Variants in PAK4 observed in about 807,000 individuals in gnomAD.
PAK4 encodes the protein p21 (RAC1) activated kinase 4.
Under a neutral mutation model 53.5 loss-of-function variants are expected in PAK4, and 49 were observed. That is an observed-to-expected ratio of 0.92 (90% CI 0.73 to 1.16). PAK4 has a LOEUF of 1.16. Ranked by LOEUF, PAK4 falls within the 50% of genes most tolerant of loss-of-function variation. PAK4 has a pLI of 0.00. For synonymous variants in PAK4, 376 were observed against 375.6 expected (o/e 1.00, Z -0.01); for missense variants, 824 against 850.7 (o/e 0.97, Z 0.39).
intron 1 of PAK4, among the ~76,000 whole-genome samples, chr19:39,146,926 GAGAAA>G (rs953653612): frequency 4.0e-5 from 6 of 151,480 alleles, no homozygotes; most frequent in South Asian, 2.1e-4. Flanking sequence ...AGGAGAGAGG[GAGAAA>G]AGAAAAGAAA....
intron 7 of PAK4, 72 bp downstream of exon 8, chr19:39,176,787 C>A: frequency 6.4e-7 from 1 of 1,560,726 alleles, no homozygotes; most frequent in South Asian, 1.1e-5. Context: ...GCAGCGCTGG[C>A]GGGAGATGGG....
chr19:39,160,342 C>A (rs1270138474), intron 1 of PAK4, among the ~76,000 whole-genome samples: 30 of 145,348 alleles, frequency 2.1e-4, no homozygotes. Flanking sequence ...AGCCACTGCT[C>A]TAGATGCCGG....
intron 1 of PAK4, among the ~76,000 whole-genome samples, chr19:39,131,332 A>T (rs1600300162): frequency 6.6e-6 from 1 of 151,374 alleles, no homozygotes; most frequent in African/African-American, 2.4e-5. Context: ...CTGGGTCCCT[A>T]CCTCCCTCAG....
chr19:39,164,996 G>T (rs570279980), intron 1 of PAK4, among the ~76,000 whole-genome samples: 1 of 151,954 alleles, frequency 6.6e-6, no homozygotes, highest in South Asian at 2.1e-4. Flanking sequence ...AGCCATTGGG[G>T]AGGTGGGGGC....
chr19:39,160,311 C>G (rs1440593192), intron 1 of PAK4, among the ~76,000 whole-genome samples: 1 of 152,210 alleles, frequency 6.6e-6, no homozygotes, highest in African/African-American at 2.4e-5. Context: ...ACAGATATGT[C>G]TCGAGCACCT....
At chr19:39,147,191 A>AC (rs2074015336) in intron 1 of PAK4, among the ~76,000 whole-genome samples, 1 of 152,182 alleles carries the variant, frequency 6.6e-6, no homozygotes, top group East Asian at 1.9e-4. Context: ...ACCTCTGGCA[A>AC]CCACTCATCT....
rs926232633 is a variant in PAK4 at position 39,143,554 on chromosome 19, A to G, written c.-23+17635A>G. Among the ~76,000 whole-genome samples the G allele has an allele frequency of 4.6e-4, 63 of 135,770 alleles. 1 individual carries two copies. Among genetic ancestry groups the G allele is most frequent in the African/African-American group, 1.4e-3 (52 of 37,684 alleles). 89.1% of individuals were successfully genotyped at this position (135,770 alleles called of 152,430 possible). A position where few individuals can be genotyped will look rare whatever the true frequency, so the allele number is the denominator to read the frequency against. On this transcript the variant is annotated intron_variant, in intron 1 of 8. Transcript: ENST00000358301. ...GTTGCAGTGAGCCAAGATCACACCA[A>G]TGCACTCCAGCCTGGGTGACAGAGC...
intron 1 of PAK4, among the ~76,000 whole-genome samples, chr19:39,140,548 T>C (rs986413506): frequency 3.3e-5 from 5 of 152,222 alleles, no homozygotes; most frequent in Admixed American, 6.5e-5. Flanking sequence ...GGACTGCCTG[T>C]CGGTCAGTAG....
intron 1 of PAK4, among the ~76,000 whole-genome samples, chr19:39,159,330 A>C (rs1248276148): frequency 6.6e-6 from 1 of 152,174 alleles, no homozygotes; most frequent in Non-Finnish European, 1.5e-5. Flanking sequence ...ATTAAGGACT[A>C]TAAGGACAAA....
intron 2 of PAK4, among the ~76,000 whole-genome samples, chr19:39,170,629 T>G (rs2074460430): frequency 6.6e-6 from 1 of 152,160 alleles, no homozygotes; most frequent in African/African-American, 2.4e-5. Context: ...TCGGCCAGGT[T>G]TGCATCCAGC....
intron 1 of PAK4, among the ~76,000 whole-genome samples, chr19:39,148,509 G>T (rs2074043011): frequency 1.0e-5 from 1 of 99,582 alleles, no homozygotes; most frequent in South Asian, 3.6e-4. Flanking sequence ...TCGCTCTGTT[G>T]CCCAGGCTGG....
chr19:39,139,746 C>T (rs1050875455), intron 1 of PAK4, among the ~76,000 whole-genome samples: 4 of 152,134 alleles, frequency 2.6e-5, no homozygotes, highest in Non-Finnish European at 4.4e-5. Context: ...TAGGGTCACC[C>T]GGGGTGGGAG....
At chr19:39,150,002 G>A (rs185908992) in intron 1 of PAK4, among the ~76,000 whole-genome samples, 40 of 152,336 alleles carry the variant, frequency 2.6e-4, no homozygotes, top group Admixed American at 2.5e-3. Context: ...TTTGAATATA[G>A]ATGGTGGTGA....
chr19:39,174,961 A>G, exon 5 of PAK4: 2 of 1,613,672 alleles, frequency 1.2e-6, no homozygotes, highest in Non-Finnish European at 1.7e-6. Context: ...CCAGCACGAG[A>G]ATGTGGTGGA....
chr19:39,172,612 C>G (rs1416093197), intron 2 of PAK4, among the ~76,000 whole-genome samples: 1 of 152,150 alleles, frequency 6.6e-6, no homozygotes, highest in Non-Finnish European at 1.5e-5. Flanking sequence ...CCCCAAACCC[C>G]TCAGGGCAGG....
At chr19:39,164,188 A>G (rs2074330300) in intron 1 of PAK4, among the ~76,000 whole-genome samples, 1 of 151,754 alleles carries the variant, frequency 6.6e-6, no homozygotes, top group South Asian at 2.1e-4. Context: ...GAGGCAGGAG[A>G]AGCACATGAA....
chr19:39,135,654 C>G (rs1298119796), intron 1 of PAK4, among the ~76,000 whole-genome samples: 1 of 151,998 alleles, frequency 6.6e-6, no homozygotes, highest in Non-Finnish European at 1.5e-5. Flanking sequence ...ATTCTTTGAC[C>G]AGCTTTGCGC....
intron 7 of PAK4, 106 bp from the exon 9 acceptor site, chr19:39,177,569 C>A (rs2074631859): frequency 4.7e-6 from 6 of 1,278,224 alleles, no homozygotes; most frequent in Non-Finnish European, 6.3e-6. Context: ...CCAAGGACTC[C>A]AGGAGCCAGA....
chr19:39,134,185 A>G (rs1022627107), intron 1 of PAK4, among the ~76,000 whole-genome samples: 2 of 152,198 alleles, frequency 1.3e-5, no homozygotes, highest in Admixed American at 6.5e-5. Context: ...TTCTAACTCC[A>G]CTGCTTTTAA....
Sources: allele counts gnomAD v4.1 joint callset (sites outside exome capture counted in the v4.1 genomes callset), GRCh38; gene constraint gnomAD v4.1.1; transcripts MANE v1.5; gene names NCBI Gene and HGNC (gene_info 2026-07-23, HGNC 2026-07-21).